Variants in MSRA observed in about 807,000 individuals in gnomAD.
The protein encoded by MSRA is mitochondrial peptide methionine sulfoxide reductase.
MSRA carries 54 observed loss-of-function variants against 31.3 expected under a neutral mutation model. The ratio of observed to expected loss-of-function variants is 1.73; its 90% CI spans 1.39 to 2.17. MSRA has a LOEUF of 2.17. MSRA is among the 30% of genes most tolerant of loss of function. The probability of loss-of-function intolerance (pLI) is 0.00; values close to 1 mark genes in which losing one functional copy is unlikely to be tolerated. For synonymous variants in MSRA, 169 were observed against 116.5 expected, an observed-to-expected ratio of 1.45 and a Z score of -2.90; for missense variants, 507 against 300.9, an observed-to-expected ratio of 1.69 and a Z score of -5.07.
chr8:10,133,101 C>T (rs775134000), intron 1 of MSRA, among the ~76,000 whole-genome samples: 5 of 152,150 alleles, frequency 3.3e-5, no homozygotes, highest in Non-Finnish European at 5.9e-5. Context: ...CTTGGGTGCT[C>T]TGGGAAGTGG....
intron 1 of MSRA, among the ~76,000 whole-genome samples, chr8:10,125,423 G>C (rs1400470814): frequency 6.6e-6 from 1 of 152,184 alleles, no homozygotes; most frequent in Non-Finnish European, 1.5e-5. Context: ...GAGAAGAAGA[G>C]GGGAGAGAAG....
chr8:10,257,686 C>T (rs1238782770), intron 3 of MSRA, among the ~76,000 whole-genome samples: 3 of 152,186 alleles, frequency 2.0e-5, no homozygotes, highest in Admixed American at 2.0e-4. Flanking sequence ...AATGGCCTCC[C>T]ATTTGACTAT....
intron 1 of MSRA, among the ~76,000 whole-genome samples, chr8:10,085,654 T>G (rs1332934929): frequency 6.6e-6 from 1 of 152,238 alleles, no homozygotes; most frequent in Non-Finnish European, 1.5e-5. Flanking sequence ...AATTTGCTTT[T>G]TAACAAGTTT....
intron 2 of MSRA, among the ~76,000 whole-genome samples, chr8:10,210,205 A>T (rs1157479229): frequency 1.3e-5 from 2 of 152,132 alleles, no homozygotes; most frequent in South Asian, 2.1e-4. Flanking sequence ...TGCAAAGCTG[A>T]TGGACTCATA....
intron 1 of MSRA, among the ~76,000 whole-genome samples, chr8:10,072,873 A>G (rs1210454582): frequency 2.0e-5 from 3 of 152,190 alleles, no homozygotes; most frequent in Non-Finnish European, 4.4e-5. Flanking sequence ...TGTAAATGAT[A>G]TGGTATCTTT....
intron 2 of MSRA, among the ~76,000 whole-genome samples, chr8:10,223,709 A>G (rs1439568947): frequency 6.6e-6 from 1 of 152,240 alleles, no homozygotes; most frequent in Non-Finnish European, 1.5e-5. Context: ...AATAATGACC[A>G]TAAATTTGAT....
chr8:10,333,319 T>C (rs570646366), intron 5 of MSRA, among the ~76,000 whole-genome samples: 3 of 152,304 alleles, frequency 2.0e-5, no homozygotes, highest in East Asian at 3.9e-4. Flanking sequence ...ATCTCAGTTA[T>C]GTGTTTATAA....
chr8:10,215,498 C>T (rs1809909471), intron 2 of MSRA, among the ~76,000 whole-genome samples: 1 of 152,196 alleles, frequency 6.6e-6, no homozygotes, highest in African/African-American at 2.4e-5. Flanking sequence ...GATCAAGTCC[C>T]CGGGAGAGTG....
At chr8:10,109,073 C>G (rs989469359) in intron 1 of MSRA, among the ~76,000 whole-genome samples, 1 of 152,210 alleles carries the variant, frequency 6.6e-6, no homozygotes, top group Non-Finnish European at 1.5e-5. Context: ...TTCTGGCCAG[C>G]GCATTCCCTT....
chr8:10,128,150 G>C (rs1801635139), intron 1 of MSRA, among the ~76,000 whole-genome samples: 1 of 152,056 alleles, frequency 6.6e-6, no homozygotes, highest in Non-Finnish European at 1.5e-5. Context: ...GGCCGAGGCA[G>C]GTGGATCACC....
chr8:10,264,805 C>T (rs4841306), intron 3 of MSRA, among the ~76,000 whole-genome samples: 107,332 of 152,084 alleles, frequency 0.71, 38,338 homozygotes, highest in East Asian at 0.85. Context: ...GAGCCCAATG[C>T]GGAGGGCACT....
At chr8:10,293,093 T>C (rs1194644780) in intron 3 of MSRA, among the ~76,000 whole-genome samples, 3 of 152,110 alleles carry the variant, frequency 2.0e-5, no homozygotes, top group Non-Finnish European at 2.9e-5. Context: ...AAAATGGACA[T>C]AGGAGCATTT....
intron 2 of MSRA, among the ~76,000 whole-genome samples, chr8:10,229,199 G>A (rs373154394): frequency 1.3e-5 from 2 of 151,750 alleles, no homozygotes; most frequent in African/African-American, 4.8e-5. Context: ...AGGTGTCTTT[G>A]CAGGTTTTGG....
chr8:10,427,322 G>A (rs34420906), intron 5 of MSRA, among the ~76,000 whole-genome samples: 14,336 of 152,282 alleles, frequency 0.094, 956 homozygotes, highest in Middle Eastern at 0.16. Flanking sequence ...TGAAATCCAC[G>A]GGGAGCAATG....
intron 1 of MSRA, among the ~76,000 whole-genome samples, chr8:10,200,535 G>A (rs1159373691): frequency 6.6e-6 from 1 of 152,142 alleles, no homozygotes; most frequent in African/African-American, 2.4e-5. Flanking sequence ...GGTCCCAGCT[G>A]CTGGTTGTCG....
intron 3 of MSRA, among the ~76,000 whole-genome samples, chr8:10,290,195 C>T (rs927259585): frequency 2.0e-5 from 3 of 152,268 alleles, no homozygotes; most frequent in Admixed American, 6.5e-5. Flanking sequence ...TAAAAGCCAT[C>T]GTGGAGGAGT....
At chr8:10,219,899 C>T (rs868701294) in intron 2 of MSRA, among the ~76,000 whole-genome samples, 3 of 149,892 alleles carry the variant, frequency 2.0e-5, no homozygotes, top group Admixed American at 1.3e-4. Flanking sequence ...TTGTTTTCCC[C>T]TGGTAGGCAA....
intron 3 of MSRA, among the ~76,000 whole-genome samples, chr8:10,255,622 G>C (rs1300320192): frequency 1.3e-5 from 2 of 151,994 alleles, no homozygotes; most frequent in African/African-American, 2.4e-5. Flanking sequence ...TTGTGCACAA[G>C]AAAAAATAAT....
intron 5 of MSRA, among the ~76,000 whole-genome samples, chr8:10,388,706 T>C (rs1201021326): frequency 2.6e-5 from 4 of 152,094 alleles, no homozygotes; most frequent in Non-Finnish European, 5.9e-5. Flanking sequence ...GCTAATATCA[T>C]ATTTAATGAG....
Sources: allele counts gnomAD v4.1 joint callset (sites outside exome capture counted in the v4.1 genomes callset), GRCh38; gene constraint gnomAD v4.1.1; transcripts MANE v1.5; gene names NCBI Gene and HGNC (gene_info 2026-07-23, HGNC 2026-07-21).